The following PI15 variants were observed in gnomAD, a reference collection of about 807,000 sequenced individuals.
PI15 encodes the protein peptidase inhibitor 15.
A neutral mutation model predicts 31.0 loss-of-function variants in PI15; 18 were observed. The observed-to-expected ratio is 0.58, with a 90% confidence interval of 0.40 to 0.86. The LOEUF (loss-of-function observed/expected upper bound fraction) is 0.86, where lower values mean the gene tolerates loss of function less well. Ranked by LOEUF, PI15 falls within the 40% of genes least tolerant of loss-of-function variation. PI15 has a pLI of 0.00. For missense variants in PI15, 282 were observed against 328.1 expected (o/e 0.86, Z 1.09); for synonymous variants, 118 against 119.1 (o/e 0.99, Z 0.06).
At chr8:74,847,990 A>T (rs1811049171) in intron 5 of PI15, among the ~76,000 whole-genome samples, 1 of 152,172 alleles carries the variant, frequency 6.6e-6, no homozygotes, top group Non-Finnish European at 1.5e-5. Flanking sequence ...TCACCACACT[A>T]CTGAAAACAC....
Position 74,849,320 on chromosome 8 carries a change from G to A in PI15, c.*67G>A. 8.0e-7 allele frequency: 1 copy of A among 1,249,136 alleles called. No individual in the cohort carries two copies. The highest frequency in any genetic ancestry group is 1.1e-6 in the Non-Finnish European group (1 of 903,124). The allele number at this position is 1,249,136 out of a possible 1,614,324, so 77.4% of individuals were successfully genotyped here. A position where few individuals can be genotyped will look rare whatever the true frequency, so the allele number is the denominator to read the frequency against. On this transcript the variant is annotated 3_prime_UTR_variant, in exon 6 of 6. Transcript: ENST00000260113. ...ATGGGCATGTATATATATATATGGAGAGAGAATTTTGCACATATTATACAT... is the reference window on the plus strand; with the variant it reads ...ATGGGCATGTATATATATATATGGAAAGAGAATTTTGCACATATTATACAT...
intron 2 of PI15, among the ~76,000 whole-genome samples, chr8:74,833,962 C>G (rs1165959254): frequency 6.6e-6 from 1 of 152,146 alleles, no homozygotes; most frequent in East Asian, 1.9e-4. Context: ...AGATCAGTAG[C>G]AGGATTAGAT....
rs1586961643 is a variant in PI15 at position 74,852,884 on chromosome 8, C to T, written c.*3631C>T. 1 of 151,982 alleles carries T rather than the reference C, an allele frequency of 6.6e-6. No individual in the cohort carries two copies. The highest frequency in any genetic ancestry group is 2.1e-4 in the South Asian group (1 of 4,818). 9.4% of individuals were successfully genotyped at this position (151,982 alleles called of 1,614,324 possible). ...GCCATATACCCAGGCTCTGCAGTAT[C>T]GAAGGATGCAAATGTTGACATAGAT... On this transcript the variant is annotated 3_prime_UTR_variant, in exon 6 of 6. Coordinates refer to ENST00000260113, the MANE Select transcript of PI15 (RefSeq NM_015886.5).
chr8:74,826,123 G>A (rs1810694962), intron 2 of PI15: 1 of 155,652 alleles, frequency 6.4e-6, no homozygotes, highest in African/African-American at 2.4e-5. Context: ...TTTGCACACT[G>A]TTCCAACTTG....
At chr8:74,825,143 T>G in intron 1 of PI15, 67 bp from the exon 2 acceptor site, 1 of 879,488 alleles carries the variant, frequency 1.1e-6, no homozygotes, top group Non-Finnish European at 1.8e-6. Context: ...AATGATGTCT[T>G]TGTAAATTCA....
At chr8:74,827,302 A>G (rs1396698963) in intron 2 of PI15, among the ~76,000 whole-genome samples, 1 of 152,120 alleles carries the variant, frequency 6.6e-6, no homozygotes, top group African/African-American at 2.4e-5. Flanking sequence ...TTTTTATCCT[A>G]TTGAGGTCAG....
chr8:74,842,274 A>C (rs1302960242), intron 2 of PI15, among the ~76,000 whole-genome samples: 1 of 152,168 alleles, frequency 6.6e-6, no homozygotes, highest in African/African-American at 2.4e-5. Flanking sequence ...ATACCTCCTC[A>C]TATAAGCTCC....
intron 3 of PI15, among the ~76,000 whole-genome samples, chr8:74,844,681 A>G (rs1464111701): frequency 6.6e-6 from 1 of 152,088 alleles, no homozygotes. Flanking sequence ...ATCTCCCCCA[A>G]ATAGGGAAGG....
At chr8:74,847,979 A>C (rs1811048931) in intron 5 of PI15, among the ~76,000 whole-genome samples, 2 of 152,162 alleles carry the variant, frequency 1.3e-5, no homozygotes, top group Admixed American at 6.6e-5. Flanking sequence ...CTAGTTACTT[A>C]TCACCACACT....
chr8:74,826,394 G>A (rs561870698), intron 2 of PI15: 41 of 347,262 alleles, frequency 1.2e-4, no homozygotes, highest in African/African-American at 8.4e-4. Flanking sequence ...AGTTTTATAT[G>A]TGCTGAATTA....
chr8:74,848,523 G>A (rs1273270236), intron 5 of PI15, among the ~76,000 whole-genome samples: 4 of 151,592 alleles, frequency 2.6e-5, no homozygotes, highest in Non-Finnish European at 5.9e-5. Flanking sequence ...TTTAAAAGGA[G>A]TAAGTTTAAG....
intron 2 of PI15, among the ~76,000 whole-genome samples, chr8:74,833,177 C>G (rs1419588524): frequency 6.6e-6 from 1 of 152,014 alleles, no homozygotes; most frequent in African/African-American, 2.4e-5. Context: ...AACAATTAAA[C>G]ACATGTAGAA....
At chr8:74,844,192 C>A in intron 3 of PI15, 93 bp downstream of exon 3, 1 of 746,080 alleles carries the variant, frequency 1.3e-6, no homozygotes, top group Non-Finnish European at 2.5e-6. Context: ...GTAATATCAA[C>A]AAATTCTTAT....
intron 2 of PI15, among the ~76,000 whole-genome samples, chr8:74,841,463 A>G (rs1326077500): frequency 6.6e-6 from 1 of 152,190 alleles, no homozygotes; most frequent in Non-Finnish European, 1.5e-5. Context: ...TTAGCAGTGG[A>G]ATTAGGGTTA....
At chr8:74,845,893 T>C (rs939564724) in intron 5 of PI15, 1 of 160,332 alleles carries the variant, frequency 6.2e-6, no homozygotes, top group African/African-American at 2.4e-5. Context: ...AGCAAAACAT[T>C]GGAAGTCAAT....
rs918340239 is a variant in PI15 at position 74,834,209 on chromosome 8, C to T, written c.273+8687C>T. 2.0e-5 allele frequency among the ~76,000 whole-genome samples: 3 copies of T among 152,148 alleles called. No individual in the cohort carries two copies. The East Asian group carries it at 5.8e-4, about 29-fold the overall frequency. Reference sequence around the variant, plus strand: ...CAACGTAAAGTACCTGTTCCTCTTCCTGCGTTCATCTCTCCTGTTTCTGAG... The same window carrying T: ...CAACGTAAAGTACCTGTTCCTCTTCTTGCGTTCATCTCTCCTGTTTCTGAG... On this transcript the variant is annotated intron_variant, in intron 2 of 5. Coordinates refer to ENST00000260113, the MANE Select transcript of PI15 (RefSeq NM_015886.5).
chr8:74,844,426 G>C (rs1302571859), intron 3 of PI15, among the ~76,000 whole-genome samples: 4 of 113,398 alleles, frequency 3.5e-5, no homozygotes, highest in African/African-American at 1.5e-4. Flanking sequence ...CTGTGCAGAG[G>C]CTGTGTGTGT....
chr8:74,839,923 A>C (rs186531885), intron 2 of PI15, among the ~76,000 whole-genome samples: 1 of 152,316 alleles, frequency 6.6e-6, no homozygotes, highest in East Asian at 1.9e-4. Context: ...AAATGTTTAT[A>C]CAATTTACAT....
At chr8:74,847,728 G>A (rs965090456) in intron 5 of PI15, among the ~76,000 whole-genome samples, 1 of 152,072 alleles carries the variant, frequency 6.6e-6, no homozygotes, top group Admixed American at 6.5e-5. Flanking sequence ...GTATTTAAAA[G>A]TCTGAATTTT....
Sources: allele counts gnomAD v4.1 joint callset (sites outside exome capture counted in the v4.1 genomes callset), GRCh38; gene constraint gnomAD v4.1.1; transcripts MANE v1.5; gene names NCBI Gene and HGNC (gene_info 2026-07-23, HGNC 2026-07-21).